Variants in SFI1 observed in about 807,000 individuals in gnomAD.
SFI1 encodes protein SFI1 homolog.
Under a neutral mutation model 207.5 loss-of-function variants are expected in SFI1, and 195 were observed. The observed-to-expected ratio is 0.94, with a 90% CI of 0.84 to 1.06. SFI1 has a LOEUF of 1.06. SFI1 is among the 50% of genes least tolerant of loss of function. The pLI is 0.00. For missense variants in SFI1, 1,634 were observed against 1,588.0 expected, an observed-to-expected ratio of 1.03 and a Z score of -0.49; for synonymous variants, 630 against 598.9, an observed-to-expected ratio of 1.05 and a Z score of -0.76.
At chr22:31,596,883 G>A (rs1027513620) in intron 15 of SFI1, among the ~76,000 whole-genome samples, 9 of 150,550 alleles carry the variant, frequency 6.0e-5, no homozygotes, top group African/African-American at 1.2e-4. Flanking sequence ...CACAGTACCC[G>A]TTTCTAAATG....
intron 16 of SFI1, 127 bp downstream of exon 16, chr22:31,602,420 G>C: frequency 8.6e-7 from 1 of 1,161,270 alleles, no homozygotes; most frequent in Non-Finnish European, 1.3e-6. Context: ...TGACTGTTGA[G>C]GCAGGGCAGG....
chr22:31,582,288 C>T (rs1167654746), intron 12 of SFI1, among the ~76,000 whole-genome samples: 7 of 117,602 alleles, frequency 6.0e-5, no homozygotes, highest in Non-Finnish European at 1.2e-4. Context: ...CTCGCTCTCG[C>T]CCAGGCTGGA....
At chr22:31,568,165 A>ATATGTG (rs2062532979) in intron 8 of SFI1, among the ~76,000 whole-genome samples, 1 of 119,000 alleles carries the variant, frequency 8.4e-6, no homozygotes. Context: ...CTATATATAT[A>ATATGTG]TGTGTGTGTG....
chr22:31,540,190 T>TG (rs955113192), intron 4 of SFI1, among the ~76,000 whole-genome samples: 94 of 3,456 alleles, frequency 0.027, no homozygotes, highest in Non-Finnish European at 0.045. Flanking sequence ...TGGCACGGGG[T>TG]GGGGGGGTGG....
In SFI1 at chr22:31,502,745, GTC is replaced by G. The variant is rs558589861; in HGVS notation, c.-30-5506_-30-5505del. 1.2e-4 allele frequency among the ~76,000 whole-genome samples: 18 copies of G among 152,162 alleles called. No individual in the cohort carries two copies. The East Asian group carries it at 3.5e-3, about 29-fold the overall frequency. On this transcript the variant is annotated intron_variant, in intron 1 of 32. Transcript: ENST00000400288. ...TCAGTGCTTTGTTGGGTTTATTTTG[GTC>G]TCTTTTTTATTTGTTGGAGGTCTTT...
intron 15 of SFI1, among the ~76,000 whole-genome samples, chr22:31,599,005 G>T (rs918542404): frequency 5.3e-5 from 8 of 149,710 alleles, no homozygotes; most frequent in African/African-American, 1.5e-4. Context: ...TGTTGGTCAG[G>T]CTGATCTCGA....
chr22:31,546,826 C>T lies in SFI1; in HGVS notation c.339-35C>T, dbSNP rs1189359735. ...TGGGAAGAGATGTTAGCTCCAACATCATCATATATATATATGATTTTTTTT... is the reference window on the plus strand; with the variant it reads ...TGGGAAGAGATGTTAGCTCCAACATTATCATATATATATATGATTTTTTTT... On this transcript the variant is annotated intron_variant, in intron 4 of 32. Transcript: ENST00000400288. 3.0e-6 allele frequency: 4 copies of T among 1,354,068 alleles called. No individual in the cohort carries two copies. The African/African-American group carries it at 5.8e-5, about 20-fold the overall frequency. 83.9% of individuals were successfully genotyped at this position (1,354,068 alleles called of 1,614,324 possible).
chr22:31,544,755 CA>C (rs933828267), intron 4 of SFI1, among the ~76,000 whole-genome samples: 4 of 151,170 alleles, frequency 2.6e-5, no homozygotes, highest in South Asian at 4.2e-4. Context: ...ACCCTGTCTC[CA>C]AAAAAAAGTC....
At chr22:31,566,120 ATT>A (rs59506981) in intron 8 of SFI1, among the ~76,000 whole-genome samples, 9 of 139,440 alleles carry the variant, frequency 6.5e-5, no homozygotes, top group Non-Finnish European at 9.4e-5. Context: ...TTCTTTTTCT[ATT>A]TTTTTTTTTT....
intron 9 of SFI1, among the ~76,000 whole-genome samples, chr22:31,573,711 T>A (rs1476114936): frequency 6.6e-6 from 1 of 152,200 alleles, no homozygotes; most frequent in Non-Finnish European, 1.5e-5. Context: ...GTGCTGGGAT[T>A]GCAGGCGTGA....
intron 14 of SFI1, chr22:31,587,485 T>C: frequency 5.4e-6 from 1 of 184,726 alleles, no homozygotes; most frequent in Non-Finnish European, 1.2e-5. Flanking sequence ...GTGTTTTGTT[T>C]TTTTTTTTGT....
intron 15 of SFI1, among the ~76,000 whole-genome samples, chr22:31,598,556 AC>A (rs2067526887): frequency 2.7e-5 from 4 of 150,686 alleles, no homozygotes; most frequent in South Asian, 4.2e-4. Context: ...AGTAGCTGGG[AC>A]TACAGACGCC....
intron 2 of SFI1, among the ~76,000 whole-genome samples, chr22:31,513,091 A>G (rs2055868407): frequency 6.6e-6 from 1 of 152,154 alleles, no homozygotes; most frequent in Non-Finnish European, 1.5e-5. Flanking sequence ...GGCTGATGTT[A>G]TGATTTTTTA....
intron 2 of SFI1, among the ~76,000 whole-genome samples, chr22:31,511,464 G>GTATT (rs1833611841): frequency 8.7e-6 from 1 of 114,558 alleles, no homozygotes; most frequent in Non-Finnish European, 1.7e-5. Context: ...CATAGTTTCT[G>GTATT]TTTTTTTTTT....
At chr22:31,547,789 G>T (rs2060233385) in intron 5 of SFI1, among the ~76,000 whole-genome samples, 1 of 148,980 alleles carries the variant, frequency 6.7e-6, no homozygotes, top group Admixed American at 6.7e-5. Context: ...CTGTAATGGC[G>T]TGTAATGATG....
At chr22:31,578,345 A>C in intron 10 of SFI1, 37 bp from the exon 11 acceptor site, 1 of 1,604,684 alleles carries the variant, frequency 6.2e-7, no homozygotes, top group Non-Finnish European at 8.5e-7. Flanking sequence ...TAGGGGTCAG[A>C]ACCTTGTTGG....
chr22:31,550,092 C>T (rs1004539070), intron 5 of SFI1, among the ~76,000 whole-genome samples, 162 bp from the exon 6 acceptor site: 3 of 152,004 alleles, frequency 2.0e-5, no homozygotes, highest in Admixed American at 1.3e-4. Flanking sequence ...CCACCACACC[C>T]GGCACACGGT....
chr22:31,575,836 G>A (rs1397653580), intron 10 of SFI1, among the ~76,000 whole-genome samples: 4 of 152,040 alleles, frequency 2.6e-5, no homozygotes, highest in East Asian at 1.9e-4. Context: ...CATTTATTGC[G>A]CTTTTACTAC....
At chr22:31,571,221 C>T (rs1477758154) in intron 8 of SFI1, among the ~76,000 whole-genome samples, 3 of 152,142 alleles carry the variant, frequency 2.0e-5, no homozygotes, top group Non-Finnish European at 2.9e-5. Context: ...CTTTCCCCAA[C>T]AACTTTTTAT....
Sources: allele counts gnomAD v4.1 joint callset (sites outside exome capture counted in the v4.1 genomes callset), GRCh38; gene constraint gnomAD v4.1.1; transcripts MANE v1.5; gene names NCBI Gene and HGNC (gene_info 2026-07-23, HGNC 2026-07-21).